The following NCKAP5 variants were observed in gnomAD, a reference collection of about 807,000 sequenced individuals.
NCKAP5 encodes NCK associated protein 5.
NCKAP5 carries 92 observed loss-of-function variants against 167.0 expected under a neutral mutation model. The ratio of observed to expected loss-of-function variants is 0.55; its 90% CI spans 0.47 to 0.66. The LOEUF (loss-of-function observed/expected upper bound fraction) is 0.66. NCKAP5 is among the 30% of genes least tolerant of loss of function. The pLI, the probability that NCKAP5 is intolerant of heterozygous loss-of-function variation, is 0.00. For synonymous variants in NCKAP5, 891 were observed against 877.4 expected (o/e 1.02, Z -0.27); for missense variants, 2,378 against 2,315.0 (o/e 1.03, Z -0.56).
intron 3 of NCKAP5, among the ~76,000 whole-genome samples, chr2:133,416,219 G>C (rs749101455): frequency 2.0e-5 from 3 of 152,160 alleles, no homozygotes; most frequent in Non-Finnish European, 2.9e-5. Context: ...GATAGATGAA[G>C]ACCTTTCCTT....
At chr2:133,171,857 C>T (rs768699186) in intron 5 of NCKAP5, among the ~76,000 whole-genome samples, 22 of 152,304 alleles carry the variant, frequency 1.4e-4, no homozygotes, top group Non-Finnish European at 2.6e-4. Flanking sequence ...AAAATAAGCC[C>T]TTCCTATAAA....
intron 4 of NCKAP5, among the ~76,000 whole-genome samples, chr2:133,295,768 C>T (rs989241434): frequency 3.3e-5 from 5 of 152,148 alleles, no homozygotes; most frequent in Non-Finnish European, 7.3e-5. Context: ...TCGACAGTGC[C>T]TTGGTTGAGA....
intron 3 of NCKAP5, among the ~76,000 whole-genome samples, chr2:133,498,625 T>C (rs1450115719): frequency 2.7e-5 from 4 of 146,850 alleles, no homozygotes; most frequent in Non-Finnish European, 6.0e-5. Context: ...AAGATAAATA[T>C]GTACAACTTT....
intron 17 of NCKAP5, among the ~76,000 whole-genome samples, chr2:132,730,144 A>G (rs58717385): frequency 0.16 from 24,923 of 152,026 alleles, 2,407 homozygotes; most frequent in African/African-American, 0.27. Context: ...CAGTGTGTTC[A>G]CCTCACACTC....
At chr2:132,925,781 A>G (rs748689749) in intron 8 of NCKAP5, among the ~76,000 whole-genome samples, 7 of 152,096 alleles carry the variant, frequency 4.6e-5, no homozygotes, top group Non-Finnish European at 7.4e-5. Context: ...TTCATCTTCA[A>G]TAGTTGAGGA....
chr2:132,976,673 A>G (rs1226204358), intron 7 of NCKAP5, among the ~76,000 whole-genome samples: 1 of 151,984 alleles, frequency 6.6e-6, no homozygotes, highest in African/African-American at 2.4e-5. Flanking sequence ...AGAAATGATA[A>G]GTATGTGAGG....
chr2:132,949,049 G>GAAAAGAAAAGAAAAGAAAAGA (rs112801568), intron 8 of NCKAP5, among the ~76,000 whole-genome samples: 2 of 131,852 alleles, frequency 1.5e-5, no homozygotes, highest in African/African-American at 5.9e-5. Context: ...GAAAAGAAAA[G>GAAAAGAAAAGAAAAGAAAAGA]AAACATGGTG....
chr2:133,616,943 G>A, the NCKAP5 span, among the ~76,000 whole-genome samples: 1 of 152,184 alleles, frequency 6.6e-6, no homozygotes, highest in Admixed American at 6.5e-5. Flanking sequence ...ACATCAAGAA[G>A]GTTATCCACC....
intron 3 of NCKAP5, among the ~76,000 whole-genome samples, chr2:133,402,635 T>A (rs1000986839): frequency 1.3e-5 from 2 of 152,152 alleles, no homozygotes; most frequent in African/African-American, 2.4e-5. Flanking sequence ...GTTCTCATTC[T>A]GAGTTCATAT....
At position 132,785,056 on chromosome 2, in the gene NCKAP5, A is replaced by G; in HGVS notation, c.1755T>C (p.Asn585=). The G allele has an allele frequency of 6.2e-7, 1 of 1,613,996 alleles. No homozygotes were observed. Among genetic ancestry groups the G allele is most frequent in the Non-Finnish European group, 8.5e-7 (1 of 1,179,888 alleles). ...LNLQLSDTDD[N]ETFDELHIES... ...CTATGTGCAGCTCATCAAACGTTTCATTGTCATCAGTGTCTGAAAGCTGGA... is the reference window on the plus strand; with the variant it reads ...CTATGTGCAGCTCATCAAACGTTTCGTTGTCATCAGTGTCTGAAAGCTGGA... Residue 585 remains asparagine, a synonymous_variant, in exon 14 of 20, where the codon AAT becomes AAC. Transcript: ENST00000409261.
At chr2:133,068,976 G>A (rs1036400657) in intron 6 of NCKAP5, among the ~76,000 whole-genome samples, 10 of 152,226 alleles carry the variant, frequency 6.6e-5, no homozygotes, top group African/African-American at 2.4e-4. Context: ...TTTAAAACCA[G>A]GAATTTATGA....
intron 11 of NCKAP5, among the ~76,000 whole-genome samples, chr2:132,813,625 G>T (rs549518057): frequency 6.6e-6 from 1 of 152,260 alleles, no homozygotes; most frequent in South Asian, 2.1e-4. Flanking sequence ...GACACCAAAG[G>T]GTTCCATATG....
chr2:133,468,756 A>T (rs1434883400), intron 3 of NCKAP5, among the ~76,000 whole-genome samples: 1 of 152,170 alleles, frequency 6.6e-6, no homozygotes, highest in East Asian at 1.9e-4. Context: ...TCCCTTTACC[A>T]TTATGTAATG....
intron 19 of NCKAP5, among the ~76,000 whole-genome samples, chr2:132,700,069 T>C (rs1316714832): frequency 6.6e-6 from 1 of 151,650 alleles, no homozygotes; most frequent in Non-Finnish European, 1.5e-5. Flanking sequence ...TTTGCATTTC[T>C]CTGATGGCCA....
rs543402411 is a variant in NCKAP5, at chr2:133,116,412, C to T, written c.341+13566G>A. Among the ~76,000 whole-genome samples the T allele has an allele frequency of 6.6e-3, 554 of 83,506 alleles. 96 individuals carry two copies. Among genetic ancestry groups the T allele is most frequent in the African/African-American group, 0.032 (520 of 16,006 alleles). The allele number at this position is 83,506 out of a possible 152,430, so 54.8% of individuals were successfully genotyped here. A position where few individuals can be genotyped will look rare whatever the true frequency, so the allele number is the denominator to read the frequency against. Reference sequence around the variant, plus strand: ...CTGAGGCAGGAGAATGGCGTGAACCCGGGAGGCGGAGCTTGCAGTGAGCCG... The same window carrying T: ...CTGAGGCAGGAGAATGGCGTGAACCTGGGAGGCGGAGCTTGCAGTGAGCCG... On this transcript the variant is annotated intron_variant, in intron 6 of 19. Transcript: ENST00000409261.
At chr2:132,891,754 G>T (rs1302789865) in intron 8 of NCKAP5, among the ~76,000 whole-genome samples, 4 of 152,202 alleles carry the variant, frequency 2.6e-5, no homozygotes, top group Non-Finnish European at 5.9e-5. Flanking sequence ...TTGCCCAGGG[G>T]GATATACAGA....
chr2:133,056,871 C>A (rs977076878), intron 6 of NCKAP5, among the ~76,000 whole-genome samples: 1 of 152,104 alleles, frequency 6.6e-6, no homozygotes. Flanking sequence ...TAGTGTACAT[C>A]ATTTTATTGT....
chr2:133,278,444 A>T (rs1260055541), intron 4 of NCKAP5, among the ~76,000 whole-genome samples: 1 of 152,030 alleles, frequency 6.6e-6, no homozygotes, highest in African/African-American at 2.4e-5. Context: ...CCTTTTCTGT[A>T]GTCACGTCTC....
chr2:133,471,394 C>A (rs1326893390), intron 3 of NCKAP5, among the ~76,000 whole-genome samples: 2 of 152,170 alleles, frequency 1.3e-5, no homozygotes, highest in African/African-American at 4.8e-5. Flanking sequence ...GGAGAGAGAT[C>A]TGGAGCCCAT....
Sources: allele counts gnomAD v4.1 joint callset (sites outside exome capture counted in the v4.1 genomes callset), GRCh38; gene constraint gnomAD v4.1.1; transcripts MANE v1.5; gene names NCBI Gene and HGNC (gene_info 2026-07-23, HGNC 2026-07-21).